Variants in ROBO1 observed in about 807,000 individuals in gnomAD.
The protein encoded by ROBO1 is roundabout guidance receptor 1, also known as roundabout homolog 1.
Under a neutral mutation model 195.9 loss-of-function variants are expected in ROBO1, and 149 were observed. The observed-to-expected ratio is 0.76, with a 90% CI of 0.67 to 0.87. The LOEUF (loss-of-function observed/expected upper bound fraction) is 0.87, where lower values mean the gene tolerates loss of function less well. Among genes scored for constraint, ROBO1 ranks in the 40% least tolerant of loss-of-function variants. The pLI is 0.00. For missense variants in ROBO1, 1,933 were observed against 2,068.3 expected (o/e 0.93, Z 1.27); for synonymous variants, 816 against 733.2 (o/e 1.11, Z -1.82).
intron 2 of ROBO1, among the ~76,000 whole-genome samples, chr3:79,193,349 A>G (rs1312108985): frequency 6.6e-6 from 1 of 151,632 alleles, no homozygotes; most frequent in Admixed American, 6.6e-5. Context: ...AACAATTTAC[A>G]TATATTATCT....
At chr3:79,205,528 G>C (rs564424643) in intron 2 of ROBO1, among the ~76,000 whole-genome samples, 1 of 152,222 alleles carries the variant, frequency 6.6e-6, no homozygotes, top group African/African-American at 2.4e-5. Flanking sequence ...TTGTTGAATA[G>C]ATACCCAGAA....
intron 2 of ROBO1, among the ~76,000 whole-genome samples, chr3:79,232,190 T>C (rs547449532): frequency 6.6e-6 from 1 of 150,478 alleles, no homozygotes; most frequent in East Asian, 2.0e-4. Context: ...ACAAATGTAC[T>C]CCTGAACTTG....
intron 4 of ROBO1, among the ~76,000 whole-genome samples, chr3:78,853,916 G>A (rs1277785418): frequency 6.6e-6 from 1 of 151,934 alleles, no homozygotes; most frequent in Non-Finnish European, 1.5e-5. Flanking sequence ...TTCACTACCA[G>A]GTCAACAGTA....
At position 79,413,881 on chromosome 3, in the gene ROBO1, C is replaced by G. The variant is rs1214077993; in HGVS notation, c.88+175943G>C. Among the ~76,000 whole-genome samples, 9 of 152,158 alleles carry G rather than the reference C, an allele frequency of 5.9e-5. No individual in the cohort carries two copies. The East Asian group carries it at 1.7e-3, about 29-fold the overall frequency. On this transcript the variant is annotated intron_variant, in intron 2 of 30. Transcript: ENST00000464233. ...TATGAAATCACAGAGGAGAAAATAT[C>G]TGACTCCCCAAGGGCATCAGGGAAG... is the stretch of plus-strand genomic sequence containing the variant.
chr3:79,103,382 C>T (rs1354535006), intron 3 of ROBO1, among the ~76,000 whole-genome samples: 1 of 151,798 alleles, frequency 6.6e-6, no homozygotes, highest in Non-Finnish European at 1.5e-5. Flanking sequence ...GGCTTACTGA[C>T]TCTTAGGAGA....
intron 2 of ROBO1, among the ~76,000 whole-genome samples, chr3:79,327,054 C>A (rs768050399): frequency 6.6e-6 from 1 of 152,074 alleles, no homozygotes; most frequent in Non-Finnish European, 1.5e-5. Context: ...ATACAAAATA[C>A]TTAACACATA....
chr3:78,717,874 C>T lies in ROBO1; in HGVS notation c.667G>A (p.Gly223Arg), dbSNP rs1425600523. ...DKDERITIRG[G>R]KLMITYTRKS... The stretch of plus-strand genomic sequence containing the variant: ...CGGGTGTAAGTGATCATGAGCTTTC[C>T]TCCTCGTATCTTAAAAAAAAAGTTT... Residue 223 changes from glycine to arginine, a missense_variant, in exon 6 of 31, where the codon GGA (glycine) becomes AGA (arginine). By Grantham distance (125) the Gly-to-Arg change is moderately radical. This residue lies in a region of ROBO1 where 1,737 missense variants were observed against 1,882.5 expected (regional missense o/e 0.92). Transcript: ENST00000464233. 1 of 1,612,956 alleles carries T rather than the reference C, an allele frequency of 6.2e-7. No homozygotes were observed. The highest frequency in any genetic ancestry group is 1.3e-5 in the African/African-American group (1 of 74,838).
chr3:79,341,099 C>T (rs929630931), intron 2 of ROBO1, among the ~76,000 whole-genome samples: 7 of 152,110 alleles, frequency 4.6e-5, no homozygotes, highest in African/African-American at 1.2e-4. Context: ...CAAGTATTGA[C>T]GAGGTCATAG....
intron 4 of ROBO1, among the ~76,000 whole-genome samples, chr3:78,839,255 C>G (rs987921447): frequency 3.3e-5 from 5 of 151,952 alleles, no homozygotes; most frequent in Non-Finnish European, 7.4e-5. Context: ...AAAATTATTA[C>G]TACTACCATC....
At chr3:78,809,230 CAT>C (rs1479218115) in intron 4 of ROBO1, among the ~76,000 whole-genome samples, 4 of 151,614 alleles carry the variant, frequency 2.6e-5, no homozygotes, top group African/African-American at 9.7e-5. Context: ...GACCAACAAA[CAT>C]ATGAAAAAAA....
At chr3:78,787,521 T>C (rs931180471) in intron 4 of ROBO1, among the ~76,000 whole-genome samples, 2 of 152,234 alleles carry the variant, frequency 1.3e-5, no homozygotes, top group Non-Finnish European at 2.9e-5. Context: ...CACTTTAATG[T>C]GTTTTATCTT....
At chr3:79,760,054 A>G (rs1013193780) in intron 1 of ROBO1, among the ~76,000 whole-genome samples, 29 of 151,592 alleles carry the variant, frequency 1.9e-4, no homozygotes, top group Non-Finnish European at 4.4e-5. Flanking sequence ...CTGGCCAATA[A>G]GGTGAAACCC....
At chr3:79,407,692 G>A (rs2106827783) in intron 2 of ROBO1, among the ~76,000 whole-genome samples, 1 of 152,156 alleles carries the variant, frequency 6.6e-6, no homozygotes, top group South Asian at 2.1e-4. Flanking sequence ...GTTTAGAAAA[G>A]ATAGAAGTAT....
intron 2 of ROBO1, among the ~76,000 whole-genome samples, chr3:79,427,735 C>T (rs1447859662): frequency 6.6e-6 from 1 of 152,184 alleles, no homozygotes; most frequent in African/African-American, 2.4e-5. Context: ...ACTGGATTTC[C>T]GTATGCATAA....
chr3:79,584,257 T>TATATATATATATATATATATATTACTAC (rs1289359019), intron 2 of ROBO1, among the ~76,000 whole-genome samples: 2 of 26,920 alleles, frequency 7.4e-5, no homozygotes, highest in Non-Finnish European at 6.7e-5. Context: ...ACATGTAATA[T>TATATATATATATATATATATATTACTAC]ATATATATAT....
chr3:78,925,595 A>G (rs78483177), intron 4 of ROBO1, among the ~76,000 whole-genome samples: 15,069 of 152,220 alleles, frequency 0.099, 1,307 homozygotes, highest in African/African-American at 0.23. Context: ...GTTGGTTGAA[A>G]AGAATCTTTG....
chr3:79,355,114 C>T (rs768844116), intron 2 of ROBO1, among the ~76,000 whole-genome samples: 4 of 151,586 alleles, frequency 2.6e-5, no homozygotes, highest in Admixed American at 6.6e-5. Flanking sequence ...TGCAGTGAGC[C>T]GAGATTGTGC....
At chr3:79,268,753 A>G (rs2030234788) in intron 2 of ROBO1, among the ~76,000 whole-genome samples, 1 of 151,630 alleles carries the variant, frequency 6.6e-6, no homozygotes, top group South Asian at 2.1e-4. Flanking sequence ...TTTGACTGAC[A>G]TAACCTGTGC....
chr3:78,987,145 T>C (rs1292150042), intron 3 of ROBO1, among the ~76,000 whole-genome samples: 4 of 96,244 alleles, frequency 4.2e-5, no homozygotes, highest in Non-Finnish European at 6.6e-5. Flanking sequence ...TTTTTTTTTG[T>C]GCCATAAACA....
Sources: allele counts gnomAD v4.1 joint callset (sites outside exome capture counted in the v4.1 genomes callset), GRCh38; gene constraint gnomAD v4.1.1; regional missense constraint gnomAD v4.1.1; transcripts MANE v1.5; gene names NCBI Gene and HGNC (gene_info 2026-07-23, HGNC 2026-07-21).